UGCG: variants seen among roughly 807,000 people sequenced by gnomAD.
UGCG encodes the protein UDP-glucose ceramide glucosyltransferase, also known as ceramide glucosyltransferase.
A neutral mutation model predicts 49.5 loss-of-function variants in UGCG; 10 were observed. The observed-to-expected ratio is 0.20, with a 90% CI of 0.12 to 0.34. UGCG has a LOEUF of 0.34. Ranked by LOEUF, UGCG falls within the 10% of genes least tolerant of loss-of-function variation. UGCG has a pLI of 1.00. For synonymous variants in UGCG, 182 were observed against 158.2 expected (o/e 1.15, Z -1.13); for missense variants, 312 against 483.7 (o/e 0.65, Z 3.33).
intron 1 of UGCG, among the ~76,000 whole-genome samples, chr9:111,907,200 C>T (rs2131718106): frequency 6.6e-6 from 1 of 152,332 alleles, no homozygotes; most frequent in East Asian, 1.9e-4. Context: ...TCTCTCTTCT[C>T]TCAAAGTGTT....
At chr9:111,908,685 C>T (rs762756680) in intron 1 of UGCG, among the ~76,000 whole-genome samples, 1 of 152,220 alleles carries the variant, frequency 6.6e-6, no homozygotes. Context: ...GAAAGCAAGT[C>T]GTCTGCCCTA....
At chr9:111,923,185 A>G (rs1838257473) in intron 3 of UGCG, among the ~76,000 whole-genome samples, 1 of 152,076 alleles carries the variant, frequency 6.6e-6, no homozygotes, top group Non-Finnish European at 1.5e-5. Flanking sequence ...TTAATCAGAC[A>G]TGAGGGTCTG....
At chr9:111,919,376 G>A (rs1043947584) in intron 2 of UGCG, among the ~76,000 whole-genome samples, 7 of 152,074 alleles carry the variant, frequency 4.6e-5, no homozygotes, top group African/African-American at 7.2e-5. Context: ...CCAGCTACTC[G>A]GGAGGCTGAG....
chr9:111,907,436 C>T (rs1289765927), intron 1 of UGCG, among the ~76,000 whole-genome samples: 1 of 152,142 alleles, frequency 6.6e-6, no homozygotes, highest in East Asian at 1.9e-4. Flanking sequence ...GTGGGTTGGT[C>T]TGGTCTGCTA....
rs1294938331 is a variant in UGCG at position 111,920,036 on chromosome 9, T to C, written c.241-2813T>C. ...ACACTTTCTGTGACTTAGAGTCAGC[T>C]CTTAAGGAAATCTCAGGAGGGTGGT... On this transcript the variant is annotated intron_variant, in intron 2 of 8. Coordinates refer to ENST00000374279, the MANE Select transcript of UGCG (RefSeq NM_003358.3). Among the ~76,000 whole-genome samples the C allele has an allele frequency of 3.3e-5, 5 of 152,146 alleles. No individual in the cohort carries two copies. The East Asian group carries it at 9.6e-4, about 29-fold the overall frequency.
chr9:111,914,870 C>A, intron 2 of UGCG, 124 bp downstream of exon 2: 1 of 1,355,456 alleles, frequency 7.4e-7, no homozygotes, highest in Middle Eastern at 2.3e-4. Flanking sequence ...ATATTGGCCT[C>A]ATAAAATATA....
chr9:111,897,911 CGTTTTATT>C (rs1837695060), intron 1 of UGCG, among the ~76,000 whole-genome samples: 1 of 150,388 alleles, frequency 6.6e-6, no homozygotes, highest in Non-Finnish European at 1.5e-5. Context: ...TTCAGTTCCT[CGTTTTATT>C]GTTTTATGTA....
chr9:111,929,191 A>G (rs1838376297), intron 5 of UGCG: 1 of 252,374 alleles, frequency 4.0e-6, no homozygotes, highest in African/African-American at 2.3e-5. Flanking sequence ...ATGTGTGTGT[A>G]TATTTACATG....
Position 111,932,209 on chromosome 9 carries a change from A to G in UGCG, c.864A>G (p.Ile288Met). 1 of 1,614,084 alleles carries G rather than the reference A, an allele frequency of 6.2e-7. No homozygotes were observed. The highest frequency in any genetic ancestry group is 8.5e-7 in the Non-Finnish European group (1 of 1,179,998). ...KLRINMLPATIICEPISECFV... is the reference protein window; with the variant it reads ...KLRINMLPATMICEPISECFV... ...GAATTAACATGCTTCCTGCTACAAT[A>G]ATTTGTGAGCCAATTTCAGAATGCT... Residue 288 changes from isoleucine to methionine, a missense_variant, in exon 8 of 9, where the codon ATA (isoleucine) becomes ATG (methionine). By Grantham distance (10) the Ile-to-Met change is conservative. Around this residue, in one of 4 missense-constraint regions of UGCG, gnomAD observed 180 missense variants for 320.4 expected, o/e 0.56. Transcript: ENST00000374279.
intron 2 of UGCG, among the ~76,000 whole-genome samples, chr9:111,920,322 C>G (rs1227792588): frequency 6.6e-6 from 1 of 152,066 alleles, no homozygotes; most frequent in East Asian, 1.9e-4. Flanking sequence ...TCTTCATTAA[C>G]CTTAGTCTTG....
At chr9:111,914,511 C>G in intron 1 of UGCG, 94 bp from the exon 2 acceptor site, 1 of 1,278,626 alleles carries the variant, frequency 7.8e-7, no homozygotes. Context: ...AAAATCTTAA[C>G]TTAGAATTTA....
chr9:111,924,035 C>G (rs1394352620), intron 3 of UGCG, among the ~76,000 whole-genome samples: 1 of 151,950 alleles, frequency 6.6e-6, no homozygotes, highest in Admixed American at 6.6e-5. Flanking sequence ...TGATCCACCC[C>G]CCTCGACCTC....
intron 6 of UGCG, among the ~76,000 whole-genome samples, 192 bp downstream of exon 6, chr9:111,929,870 G>C (rs1589530025): frequency 2.0e-5 from 3 of 152,128 alleles, no homozygotes. Context: ...CTAGGCTGGA[G>C]TGCAGTGGCG....
chr9:111,928,819 T>C (rs1838370450), intron 5 of UGCG, among the ~76,000 whole-genome samples: 1 of 152,194 alleles, frequency 6.6e-6, no homozygotes, highest in Non-Finnish European at 1.5e-5. Context: ...AGTAGGGTAA[T>C]AACAGTCCTT....
In UGCG at chr9:111,934,730, T is replaced by C. The variant is rs2118616924; in HGVS notation, c.*1733T>C. 6.6e-6 allele frequency: 1 copy of C among 152,218 alleles called. No individual in the cohort carries two copies. 9.4% of individuals were successfully genotyped at this position (152,218 alleles called of 1,614,324 possible). A position where few individuals can be genotyped will look rare whatever the true frequency, so the allele number is the denominator to read the frequency against. On this transcript the variant is annotated 3_prime_UTR_variant, in exon 9 of 9. Coordinates refer to ENST00000374279, the MANE Select transcript of UGCG (RefSeq NM_003358.3). ...CTTCATCCTTTTTTCTTTCTTTTTT[T>C]TTTTTTTTAGCCTTATGATGAATTT...
intron 4 of UGCG, among the ~76,000 whole-genome samples, chr9:111,925,345 G>A (rs1404198128): frequency 6.6e-6 from 1 of 152,184 alleles, no homozygotes; most frequent in African/African-American, 2.4e-5. Context: ...TTCATATACT[G>A]AAATTATAAC....
At chr9:111,921,642 C>CT (rs1238166198) in intron 2 of UGCG, among the ~76,000 whole-genome samples, 3 of 127,468 alleles carry the variant, frequency 2.4e-5, no homozygotes, top group Middle Eastern at 3.5e-3. Context: ...CAGTGAGACT[C>CT]TGTCTCAAAA....
rs1454533317 is a variant in UGCG at position 111,929,399 on chromosome 9, C to T, written c.559-101C>T. 1.7e-5 allele frequency: 20 copies of T among 1,202,942 alleles called. No individual in the cohort carries two copies. In the Admixed American group the frequency reaches 5.7e-4, roughly 34 times the overall value. 74.5% of individuals were successfully genotyped at this position (1,202,942 alleles called of 1,614,324 possible). A position where few individuals can be genotyped will look rare whatever the true frequency, so the allele number is the denominator to read the frequency against. ...CTACGTAAGAATAATAAGATATTCA[C>T]TCAATCATACTTATAAAAAAACCAT... On this transcript the variant is annotated intron_variant, in intron 5 of 8. Coordinates refer to ENST00000374279, the MANE Select transcript of UGCG (RefSeq NM_003358.3).
Position 111,927,237 on chromosome 9 carries a change from C to CA in UGCG, c.558+743dup, listed in dbSNP as rs1228913731. ...ATACACAAAAGAAAATGTATTCATA[C>CA]AAGTCCTTATAAAACCTATTTGATG... On this transcript the variant is annotated intron_variant, in intron 5 of 8. Transcript: ENST00000374279. 3.3e-5 allele frequency among the ~76,000 whole-genome samples: 5 copies of CA among 152,210 alleles called. No homozygotes were observed. In the East Asian group the frequency reaches 9.6e-4, roughly 29 times the overall value.
Sources: gnomAD v4.1 joint callset for allele counts (sites outside exome capture counted in the v4.1 genomes callset) on GRCh38, gnomAD v4.1.1 for gene constraint, gnomAD v4.1.1 regional missense constraint, MANE v1.5 for transcripts, NCBI Gene and HGNC (gene_info 2026-07-23, HGNC 2026-07-21) for gene names.